The following CYB5R4 variants were observed in gnomAD, a reference collection of about 807,000 sequenced individuals.
CYB5R4 encodes the protein N-terminal cytochrome b5 and cytochrome b5 oxidoreductase domain-containing protein.
Under a neutral mutation model 70.2 loss-of-function variants are expected in CYB5R4, and 55 were observed. The ratio of observed to expected loss-of-function variants is 0.78; its 90% CI spans 0.63 to 0.98. CYB5R4 has a LOEUF of 0.98. CYB5R4 is among the 50% of genes least tolerant of loss of function. CYB5R4 has a pLI of 0.00. For synonymous variants in CYB5R4, 197 were observed against 199.5 expected (o/e 0.99, Z 0.11); for missense variants, 562 against 612.6 (o/e 0.92, Z 0.87).
chr6:83,933,902 G>A (rs2099468529), intron 10 of CYB5R4, among the ~76,000 whole-genome samples: 1 of 151,992 alleles, frequency 6.6e-6, no homozygotes, highest in Non-Finnish European at 1.5e-5. Flanking sequence ...ACACCTTTAA[G>A]CATAAATGTT....
At position 83,967,053 on chromosome 6, in the gene CYB5R4, GTGT is replaced by G. The variant is rs2099474196; in HGVS notation, c.*7179_*7181del. ...CAGCATTGCCTTATGCTTTAAGAAA[GTGT>G]TGTACCACATTTGATATCCTGATGG... On this transcript the variant is annotated 3_prime_UTR_variant, in exon 16 of 16. Transcript: ENST00000369681. The G allele has an allele frequency of 6.6e-6, 1 of 152,190 alleles. No homozygotes were observed. The highest frequency in any genetic ancestry group is 2.4e-5 in the African/African-American group (1 of 41,444). The allele number at this position is 152,190 out of a possible 1,614,324, so 9.4% of individuals were successfully genotyped here.
At chr6:83,928,761 A>G (rs1158206623) in intron 10 of CYB5R4, among the ~76,000 whole-genome samples, 1 of 152,204 alleles carries the variant, frequency 6.6e-6, no homozygotes, top group Admixed American at 6.5e-5. Context: ...TTTAGAGTGA[A>G]GTCTCTTTCC....
intron 4 of CYB5R4, among the ~76,000 whole-genome samples, chr6:83,911,400 G>A (rs975001693): frequency 2.6e-5 from 4 of 152,130 alleles, no homozygotes; most frequent in African/African-American, 7.2e-5. Context: ...GGCTAAGCAG[G>A]TAAGGGAATA....
chr6:83,946,870 G>A (rs948321824), intron 14 of CYB5R4, among the ~76,000 whole-genome samples: 7 of 152,008 alleles, frequency 4.6e-5, no homozygotes, highest in Non-Finnish European at 7.4e-5. Context: ...TGTGAAGGAC[G>A]TCTTCAAGGA....
chr6:83,882,157 A>T (rs2099459549), intron 2 of CYB5R4, among the ~76,000 whole-genome samples: 1 of 152,186 alleles, frequency 6.6e-6, no homozygotes, highest in Non-Finnish European at 1.5e-5. Context: ...AGAAGAAGGG[A>T]TGTCACTGTG....
chr6:83,935,618 A>G (rs992965073), intron 11 of CYB5R4, among the ~76,000 whole-genome samples: 2 of 152,190 alleles, frequency 1.3e-5, no homozygotes, highest in Non-Finnish European at 2.9e-5. Flanking sequence ...TACCTAAAAT[A>G]AAATGAGTTC....
chr6:83,892,377 A>G (rs982639622), intron 2 of CYB5R4, among the ~76,000 whole-genome samples: 1 of 152,152 alleles, frequency 6.6e-6, no homozygotes, highest in African/African-American at 2.4e-5. Context: ...ATCTGAGGTT[A>G]TTTAAATTCA....
At chr6:83,904,832 T>C (rs1047423757) in intron 3 of CYB5R4, among the ~76,000 whole-genome samples, 3 of 152,232 alleles carry the variant, frequency 2.0e-5, no homozygotes, top group African/African-American at 7.2e-5. Flanking sequence ...ATAATTCTGT[T>C]GTACCTCACT....
chr6:83,929,407 A>G (rs2099467804), intron 10 of CYB5R4: 1 of 152,216 alleles, frequency 6.6e-6, no homozygotes, highest in Admixed American at 6.5e-5. Context: ...ATGTTTTCAC[A>G]TGTCAAATCT....
intron 14 of CYB5R4, among the ~76,000 whole-genome samples, chr6:83,945,681 T>C (rs564696776): frequency 1.3e-5 from 2 of 152,130 alleles, no homozygotes; most frequent in African/African-American, 4.8e-5. Context: ...CTAGTCAGAC[T>C]AATAAAGAAG....
intron 2 of CYB5R4, among the ~76,000 whole-genome samples, chr6:83,867,022 T>G (rs2099456834): frequency 6.6e-6 from 1 of 152,196 alleles, no homozygotes. Flanking sequence ...TTTAAATCTT[T>G]TTACAGAGTT....
chr6:83,910,891 T>C (rs1024309880), intron 4 of CYB5R4, among the ~76,000 whole-genome samples: 1 of 152,226 alleles, frequency 6.6e-6, no homozygotes, highest in Non-Finnish European at 1.5e-5. Context: ...TTAAAGCTTT[T>C]TAATCCTCGG....
At chr6:83,921,743 A>G (rs2099466408) in intron 8 of CYB5R4, among the ~76,000 whole-genome samples, 1 of 152,248 alleles carries the variant, frequency 6.6e-6, no homozygotes, top group South Asian at 2.1e-4. Flanking sequence ...CACAGTTAAA[A>G]ATATGAAACT....
At position 83,919,431 on chromosome 6, in the gene CYB5R4, A is replaced by G. The variant is rs763862194; in HGVS notation, c.541A>G (p.Ile181Val). 7.2e-6 allele frequency: 11 copies of G among 1,517,408 alleles called. No individual in the cohort carries two copies. In the South Asian group the frequency reaches 1.3e-4, roughly 19 times the overall value. The allele number at this position is 1,517,408 out of a possible 1,614,324, so 94.0% of individuals were successfully genotyped here. The change falls in exon 7 of 16, where the codon ATT becomes GTT. Residue 181 changes from isoleucine (I) to valine (V), a missense_variant. Transcript: ENST00000369681. ...DWFQTDSLVT[I>V]AIYTKQKDIN... ...GTTCCAAACAGACTCTTTAGTCACC[A>G]TTGCCATATATACTAAACAGAAGGT...
chr6:83,959,730 G>GA lies in CYB5R4; in HGVS notation c.1512-89dup, dbSNP rs2129146778. 5 of 1,104,240 alleles carry GA rather than the reference G, an allele frequency of 4.5e-6. No individual in the cohort carries two copies. In the South Asian group the frequency reaches 7.9e-5, roughly 17 times the overall value. The allele number at this position is 1,104,240 out of a possible 1,614,324, so 68.4% of individuals were successfully genotyped here. A position where few individuals can be genotyped will look rare whatever the true frequency, so the allele number is the denominator to read the frequency against. On this transcript the variant is annotated intron_variant, in intron 15 of 15. Coordinates refer to ENST00000369681, the MANE Select transcript of CYB5R4 (RefSeq NM_016230.4). ...AAACTACATAGTGAATGGGGAAAAT[G>GA]AAAAAGTATCATGATTATGGTGGTA...
At chr6:83,926,507 G>C (rs2099467300) in intron 10 of CYB5R4, among the ~76,000 whole-genome samples, 2 of 151,986 alleles carry the variant, frequency 1.3e-5, no homozygotes, top group South Asian at 4.2e-4. Context: ...TTCTTTAGAT[G>C]GTCTTCCTTC....
chr6:83,859,793 T>A lies in CYB5R4; in HGVS notation c.11T>A (p.Val4Asp). 2 of 1,613,430 alleles carry A rather than the reference T, an allele frequency of 1.2e-6. No homozygotes were observed. The highest frequency in any genetic ancestry group is 1.7e-6 in the Non-Finnish European group (2 of 1,179,828). MLN[V>D]PSQSFPAPRS... ...GGCCGGGGTTTGAAGATGCTGAACG[T>A]CCCTTCCCAGTCTTTCCCGGCCCCC... The change falls in exon 1 of 16, where the codon GTC becomes GAC. Residue 4 changes from valine to aspartate, a missense_variant. Physicochemically the swap from Val to Asp is radical, Grantham distance 152 (BLOSUM62 -3). Transcript: ENST00000369681.
Position 83,960,496 on chromosome 6 carries a change from C to T in CYB5R4, c.*618C>T, listed in dbSNP as rs1382928522. On this transcript the variant is annotated 3_prime_UTR_variant, in exon 16 of 16. Coordinates refer to ENST00000369681, the MANE Select transcript of CYB5R4 (RefSeq NM_016230.4). ...GCGTCTCAAGGGGAATTTTAAAAGGCAGCAATAAAATATATTAGAGACATG... is the reference window on the plus strand; with the variant it reads ...GCGTCTCAAGGGGAATTTTAAAAGGTAGCAATAAAATATATTAGAGACATG... 1 of 152,120 alleles carries T rather than the reference C, an allele frequency of 6.6e-6. No homozygotes were observed. Among genetic ancestry groups the T allele is most frequent in the Non-Finnish European group, 1.5e-5 (1 of 68,034 alleles). The allele number at this position is 152,120 out of a possible 1,614,324, so 9.4% of individuals were successfully genotyped here.
rs557689842 is a variant in CYB5R4, at chr6:83,964,594, A to G, written c.*4716A>G. 6.6e-6 allele frequency: 1 copy of G among 152,336 alleles called. No individual in the cohort carries two copies. The highest frequency in any genetic ancestry group is 1.9e-4 in the East Asian group (1 of 5,188). 9.4% of individuals were successfully genotyped at this position (152,336 alleles called of 1,614,324 possible). On this transcript the variant is annotated 3_prime_UTR_variant, in exon 16 of 16. Transcript: ENST00000369681. ...AATTCAGAAAATTAGCAGCTTGACA[A>G]TGCGATAGAAAAGAAAATCCTATTT...
Sources: gnomAD v4.1 joint callset for allele counts (sites outside exome capture counted in the v4.1 genomes callset) on GRCh38, gnomAD v4.1.1 for gene constraint, MANE v1.5 for transcripts, NCBI Gene and HGNC (gene_info 2026-07-23, HGNC 2026-07-21) for gene names.